The following COLEC12 variants were observed in gnomAD, a reference collection of about 807,000 sequenced individuals.
COLEC12 encodes the protein collectin subfamily member 12.
Under a neutral mutation model 71.1 loss-of-function variants are expected in COLEC12, and 33 were observed. The observed-to-expected ratio is 0.46, with a 90% CI of 0.35 to 0.62. The LOEUF is 0.62. Among genes scored for constraint, COLEC12 ranks in the 20% least tolerant of loss-of-function variants. COLEC12 has a pLI of 0.00. For synonymous variants in COLEC12, 350 were observed against 353.0 expected, an observed-to-expected ratio of 0.99 and a Z score of 0.10; for missense variants, 765 against 916.1, an observed-to-expected ratio of 0.84 and a Z score of 2.13.
intron 2 of COLEC12, among the ~76,000 whole-genome samples, chr18:420,893 G>A (rs1916086097): frequency 7.7e-6 from 1 of 129,162 alleles, no homozygotes; most frequent in Non-Finnish European, 1.7e-5. Flanking sequence ...TCCTCTACCT[G>A]GCCCATAGAA....
intron 9 of COLEC12, among the ~76,000 whole-genome samples, chr18:320,295 C>A (rs543659014): frequency 2.2e-4 from 33 of 152,266 alleles, no homozygotes; most frequent in Admixed American, 4.6e-4. Flanking sequence ...AAGCCTGGTC[C>A]CTACTCAAAT....
chr18:372,609 G>A (rs1420176368), intron 2 of COLEC12, among the ~76,000 whole-genome samples: 1 of 151,986 alleles, frequency 6.6e-6, no homozygotes, highest in Non-Finnish European at 1.5e-5. Context: ...GTAGAAATGG[G>A]GTTTCACCAT....
At chr18:455,517 T>A (rs1916850818) in intron 2 of COLEC12, among the ~76,000 whole-genome samples, 1 of 152,170 alleles carries the variant, frequency 6.6e-6, no homozygotes, top group Non-Finnish European at 1.5e-5. Context: ...CTGGGATACA[T>A]GTGCAGAATG....
chr18:437,770 A>G (rs1280473096), intron 2 of COLEC12, among the ~76,000 whole-genome samples: 1 of 152,210 alleles, frequency 6.6e-6, no homozygotes, highest in Admixed American at 6.5e-5. Context: ...GCGTTAAGTG[A>G]GCCTCTCCCA....
At chr18:417,427 C>T (rs1356873643) in intron 2 of COLEC12, among the ~76,000 whole-genome samples, 1 of 152,212 alleles carries the variant, frequency 6.6e-6, no homozygotes, top group Non-Finnish European at 1.5e-5. Flanking sequence ...CAGTGCATGA[C>T]TATGTGTGTT....
chr18:425,546 C>T (rs535717429), intron 2 of COLEC12, among the ~76,000 whole-genome samples: 1 of 152,288 alleles, frequency 6.6e-6, no homozygotes, highest in East Asian at 1.9e-4. Flanking sequence ...TCTCTTTGTA[C>T]ATGATCACCA....
At chr18:444,361 C>G (rs980467452) in intron 2 of COLEC12, among the ~76,000 whole-genome samples, 1 of 152,086 alleles carries the variant, frequency 6.6e-6, no homozygotes, top group Non-Finnish European at 1.5e-5. Context: ...GGGATAGAGT[C>G]TAGAATCCAT....
At chr18:440,376 CAT>C (rs57907554) in intron 2 of COLEC12, among the ~76,000 whole-genome samples, 10,995 of 89,932 alleles carry the variant, frequency 0.12, 432 homozygotes, top group South Asian at 0.17. Context: ...CACACACACA[CAT>C]ACACACACAC....
intron 2 of COLEC12, among the ~76,000 whole-genome samples, chr18:429,001 T>C (rs901493110): frequency 6.6e-6 from 1 of 152,208 alleles, no homozygotes; most frequent in Non-Finnish European, 1.5e-5. Context: ...TTGGGGGTAA[T>C]CATAATTTTT....
Position 347,122 on chromosome 18 carries a change from A to T in COLEC12, c.500T>A (p.Val167Glu). 6.2e-7 allele frequency: 1 copy of T among 1,614,164 alleles called. No homozygotes were observed. Among genetic ancestry groups the T allele is most frequent in the Non-Finnish European group, 8.5e-7 (1 of 1,180,030 alleles). The change falls in exon 5 of 10, where the codon GTA (valine) becomes GAA (glutamate). Residue 167 changes from valine to glutamate, a missense_variant. Transcript: ENST00000400256. ...LENNSFLITT[V>E]NKTLQAYNGY... ...ATTATACGCCTGGAGGGTTTTGTTT[A>T]CAGTGGTGATGAGGAAAGAGTTATT...
At chr18:350,315 T>G (rs1016563829) in intron 3 of COLEC12, among the ~76,000 whole-genome samples, 1 of 152,150 alleles carries the variant, frequency 6.6e-6, no homozygotes, top group Non-Finnish European at 1.5e-5. Flanking sequence ...GTGTAAGAAG[T>G]GCCTTTTGCC....
At chr18:394,149 G>A (rs768716357) in intron 2 of COLEC12, among the ~76,000 whole-genome samples, 12 of 152,134 alleles carry the variant, frequency 7.9e-5, no homozygotes, top group Non-Finnish European at 1.8e-4. Context: ...CATTGATGAG[G>A]CCAACACCAG....
chr18:403,043 T>A (rs190326515), intron 2 of COLEC12, among the ~76,000 whole-genome samples: 6 of 152,270 alleles, frequency 3.9e-5, no homozygotes. Context: ...AACCAAAGAC[T>A]AAGAGCTATG....
In COLEC12 at chr18:399,744, A is replaced by T. The variant is rs112815783; in HGVS notation, c.59-42222T>A. ...TTTGGGGTGGATGCCGAGCGCTGGG[A>T]AGGAATATGCCCTCGTTCCCCCATC... On this transcript the variant is annotated intron_variant, in intron 2 of 9. Coordinates refer to ENST00000400256, the MANE Select transcript of COLEC12 (RefSeq NM_130386.3). This position sits in a 1 kb window ranked among gnomAD's most constrained non-coding sequence, Gnocchi z 4.0. 2.0e-5 allele frequency among the ~76,000 whole-genome samples: 3 copies of T among 152,248 alleles called. No individual in the cohort carries two copies. Among genetic ancestry groups the T allele is most frequent in the African/African-American group, 7.2e-5 (3 of 41,544 alleles).
At chr18:377,104 AC>A (rs1312112978) in intron 2 of COLEC12, among the ~76,000 whole-genome samples, 1 of 152,146 alleles carries the variant, frequency 6.6e-6, no homozygotes, top group Non-Finnish European at 1.5e-5. Flanking sequence ...GGAAGAGGGG[AC>A]GGAGGACCTG....
At chr18:403,584 C>G (rs1250004458) in intron 2 of COLEC12, among the ~76,000 whole-genome samples, 2 of 152,148 alleles carry the variant, frequency 1.3e-5, no homozygotes, top group African/African-American at 4.8e-5. Context: ...ACCCATGGCT[C>G]TCTATCTTTT....
At chr18:470,070 A>G (rs1159458474) in intron 2 of COLEC12, among the ~76,000 whole-genome samples, 1 of 152,150 alleles carries the variant, frequency 6.6e-6, no homozygotes, top group Non-Finnish European at 1.5e-5. Flanking sequence ...TTATTTCCAA[A>G]AGCAATTCAA....
rs60408175 is a variant in COLEC12, at chr18:389,030, C to T, written c.59-31508G>A. Among the ~76,000 whole-genome samples the T allele has an allele frequency of 3.1e-3, 468 of 152,180 alleles. 3 individuals carry two copies. The highest frequency in any genetic ancestry group is 0.011 in the African/African-American group (442 of 41,502). On this transcript the variant is annotated intron_variant, in intron 2 of 9. Coordinates refer to ENST00000400256, the MANE Select transcript of COLEC12 (RefSeq NM_130386.3). ...GAAAGCAGCCCAGTTACATTATTCA[C>T]AATTCAGTGAATAATATTAACAATG...
At chr18:468,543 C>T (rs930539801) in intron 2 of COLEC12, among the ~76,000 whole-genome samples, 2 of 152,232 alleles carry the variant, frequency 1.3e-5, no homozygotes, top group Non-Finnish European at 2.9e-5. Context: ...CACACACACA[C>T]ACAGAGTGTA....
Sources: gnomAD v4.1 joint callset for allele counts (sites outside exome capture counted in the v4.1 genomes callset) on GRCh38, gnomAD v4.1.1 for gene constraint, Gnocchi (gnomAD v3.1) non-coding constraint, MANE v1.5 for transcripts, NCBI Gene and HGNC (gene_info 2026-07-23, HGNC 2026-07-21) for gene names.